Variants in USP35 observed in about 807,000 individuals in gnomAD.
USP35 encodes the protein ubiquitin carboxyl-terminal hydrolase 35.
Under a neutral mutation model 83.8 loss-of-function variants are expected in USP35, and 69 were observed. The ratio of observed to expected loss-of-function variants is 0.82; its 90% CI spans 0.68 to 1.01. USP35 has a LOEUF of 1.01. USP35 is among the 50% of genes least tolerant of loss of function. The probability of loss-of-function intolerance (pLI) is 0.00; values close to 1 mark genes in which losing one functional copy is unlikely to be tolerated. For missense variants in USP35, 1,503 were observed against 1,362.5 expected (o/e 1.10, Z -1.62); for synonymous variants, 714 against 589.5 (o/e 1.21, Z -3.06).
the USP35 span, chr11:78,226,872 T>C: frequency 6.2e-7 from 1 of 1,612,798 alleles, no homozygotes; most frequent in Non-Finnish European, 8.5e-7. Flanking sequence ...GCGGGGGAGG[T>C]CGTAGGTACT....
At position 78,209,805 on chromosome 11, in the gene USP35, G is replaced by A. The variant is rs778418214; in HGVS notation, c.1950G>A (p.Glu650=). 3.4e-5 allele frequency: 55 copies of A among 1,613,660 alleles called. No homozygotes were observed. Among genetic ancestry groups the A allele is most frequent in the Non-Finnish European group, 4.7e-5 (55 of 1,179,912 alleles). The change falls in exon 10 of 11, where the codon GAG becomes GAA. Residue 650 remains glutamate (E), a synonymous_variant. Coordinates refer to ENST00000529308, the MANE Select transcript of USP35 (RefSeq NM_020798.4). ...GGCAAAGGAAACACTGCATCACAGAGGACACCCCCCCCACCAGCCTGTACA... is the reference window on the plus strand; with the variant it reads ...GGCAAAGGAAACACTGCATCACAGAAGACACCCCCCCCACCAGCCTGTACA... ...PRRQRKHCIT[E]DTPPTSLYIE... is the part of the protein sequence containing the mutation.
chr11:78,221,731 G>A, the USP35 span: 4 of 1,613,820 alleles, frequency 2.5e-6, no homozygotes, highest in Non-Finnish European at 1.7e-6. Context: ...TGATGCTCTG[G>A]GTGGAGATGG....
At chr11:78,227,253 G>T in the USP35 span, among the ~76,000 whole-genome samples, 1 of 152,162 alleles carries the variant, frequency 6.6e-6, no homozygotes, top group Non-Finnish European at 1.5e-5. Flanking sequence ...TCTCCAAATG[G>T]CAGTTAATAG....
At position 78,206,314 on chromosome 11, in the gene USP35, GTC is replaced by G. The variant is rs565878777; in HGVS notation, c.1391+281_1391+282del. Among the ~76,000 whole-genome samples, 9 of 152,308 alleles carry G rather than the reference GTC, an allele frequency of 5.9e-5. 1 individual carries two copies. In the South Asian group the frequency reaches 1.9e-3, roughly 32 times the overall value. Reference sequence around the variant, plus strand: ...TGACATCACTGACTTTTCTTCTAGAGTCTGTGGGGGTGGATTTTGTCTTCCAG... The same window carrying G: ...TGACATCACTGACTTTTCTTCTAGAGTGTGGGGGTGGATTTTGTCTTCCAG... On this transcript the variant is annotated intron_variant, in intron 7 of 10. Coordinates refer to ENST00000529308, the MANE Select transcript of USP35 (RefSeq NM_020798.4).
intron 2 of USP35, 145 bp downstream of exon 2, chr11:78,197,063 C>A: frequency 7.5e-7 from 1 of 1,341,426 alleles, no homozygotes; most frequent in Non-Finnish European, 9.6e-7. Context: ...TGGAGGGCTG[C>A]AGCCTGCCTT....
the USP35 span, among the ~76,000 whole-genome samples, chr11:78,232,249 T>G: frequency 2.6e-5 from 4 of 152,252 alleles, no homozygotes; most frequent in Non-Finnish European, 5.9e-5. Flanking sequence ...TATAGACTAC[T>G]GCTGCAGGGT....
chr11:78,227,138 T>G, the USP35 span: 1 of 906,528 alleles, frequency 1.1e-6, no homozygotes, highest in Non-Finnish European at 1.7e-6. Context: ...CTTTCTATAC[T>G]TTGGTTTAGG....
rs1863555221 is a variant in USP35, at chr11:78,207,219, C to G, written c.1392-311C>G. On this transcript the variant is annotated intron_variant, in intron 7 of 10. Transcript: ENST00000529308. Reference sequence around the variant, plus strand: ...ATGTCCTAACCCTAGAATCCTGGGACCACAGGACCTTAGGACGTTTGAATC... The same window carrying G: ...ATGTCCTAACCCTAGAATCCTGGGAGCACAGGACCTTAGGACGTTTGAATC... 1.2e-5 allele frequency: 3 copies of G among 246,214 alleles called. 1 individual carries two copies. The highest frequency in any genetic ancestry group is 2.4e-5 in the Non-Finnish European group (3 of 126,160). The allele number at this position is 246,214 out of a possible 1,614,324, so 15.3% of individuals were successfully genotyped here.
intron 10 of USP35, among the ~76,000 whole-genome samples, chr11:78,212,676 G>A (rs891544606): frequency 1.3e-5 from 2 of 152,176 alleles, no homozygotes; most frequent in African/African-American, 4.8e-5. Flanking sequence ...GTTTGTTCAT[G>A]ATTTGGCTCC....
intron 1 of USP35, among the ~76,000 whole-genome samples, 189 bp downstream of exon 1, chr11:78,189,346 AT>A (rs1306834202): frequency 6.6e-6 from 1 of 152,022 alleles, no homozygotes; most frequent in African/African-American, 2.4e-5. Flanking sequence ...CCCTCCCTTC[AT>A]CAATTGTATG....
intron 10 of USP35, 78 bp downstream of exon 10, chr11:78,210,822 T>C (rs1863743030): frequency 4.3e-6 from 6 of 1,405,068 alleles, no homozygotes; most frequent in Non-Finnish European, 5.7e-6. Flanking sequence ...AGATAAGTCA[T>C]TTCCCCTCTA....
intron 8 of USP35, 29 bp from the exon 9 acceptor site, chr11:78,208,828 G>C: frequency 1.2e-6 from 2 of 1,612,744 alleles, no homozygotes; most frequent in Admixed American, 3.3e-5. Context: ...TCCTGCTCCT[G>C]ACCATGCCTT....
intron 10 of USP35, among the ~76,000 whole-genome samples, chr11:78,211,432 A>G (rs1863768817): frequency 6.6e-6 from 1 of 152,178 alleles, no homozygotes; most frequent in Non-Finnish European, 1.5e-5. Flanking sequence ...ATGTATCTTT[A>G]TAATAGAATG....
At chr11:78,227,940 G>C in the USP35 span, among the ~76,000 whole-genome samples, 2 of 152,214 alleles carry the variant, frequency 1.3e-5, no homozygotes, top group Non-Finnish European at 2.9e-5. Context: ...AAATCTATAT[G>C]AAGAATGGTT....
intron 5 of USP35, among the ~76,000 whole-genome samples, 157 bp from the exon 6 acceptor site, chr11:78,200,493 C>T (rs1321869747): frequency 6.6e-6 from 1 of 152,196 alleles, no homozygotes; most frequent in Non-Finnish European, 1.5e-5. Context: ...GAGTCACCTG[C>T]CTGCAGAGCT....
intron 10 of USP35, among the ~76,000 whole-genome samples, chr11:78,212,436 G>A (rs551544831): frequency 5.4e-5 from 8 of 148,306 alleles, no homozygotes; most frequent in East Asian, 2.1e-4. Flanking sequence ...TTTTGGCTCC[G>A]TATGAATTTT....
chr11:78,205,233 A>C (rs2450126), intron 6 of USP35, among the ~76,000 whole-genome samples: 1 of 152,126 alleles, frequency 6.6e-6, no homozygotes, highest in Non-Finnish European at 1.5e-5. Context: ...TGTAGGGTCA[A>C]GTTTTGGGGA....
chr11:78,226,781 C>T, the USP35 span: 23 of 1,613,940 alleles, frequency 1.4e-5, no homozygotes, highest in East Asian at 6.7e-5. Context: ...TGTTGCTGGG[C>T]GTCTTGAAGG....
chr11:78,224,492 G>A, the USP35 span, among the ~76,000 whole-genome samples: 1 of 152,190 alleles, frequency 6.6e-6, no homozygotes, highest in Non-Finnish European at 1.5e-5. Flanking sequence ...TGCAGTCAGA[G>A]CTTCTACAGA....
Sources: allele counts gnomAD v4.1 joint callset (sites outside exome capture counted in the v4.1 genomes callset), GRCh38; gene constraint gnomAD v4.1.1; transcripts MANE v1.5; gene names NCBI Gene and HGNC (gene_info 2026-07-23, HGNC 2026-07-21).